LZTFL1: variants seen among roughly 807,000 people sequenced by gnomAD.
The protein encoded by LZTFL1 is leucine zipper transcription factor-like protein 1.
LZTFL1 carries 25 observed loss-of-function variants against 45.9 expected under a neutral mutation model. The observed-to-expected ratio is 0.54, with a 90% confidence interval of 0.40 to 0.76. LZTFL1 has a LOEUF of 0.76. Among genes scored for constraint, LZTFL1 ranks in the 30% least tolerant of loss-of-function variants. The pLI, the probability that LZTFL1 is intolerant of heterozygous loss-of-function variation, is 0.00. For synonymous variants in LZTFL1, 93 were observed against 117.4 expected (o/e 0.79, Z 1.35); for missense variants, 277 against 331.1 (o/e 0.84, Z 1.27).
chr3:45,875,318 A>G (rs1701732811), intron 2 of LZTFL1, among the ~76,000 whole-genome samples: 1 of 152,246 alleles, frequency 6.6e-6, no homozygotes, highest in South Asian at 2.1e-4. Flanking sequence ...GAGTAAATGA[A>G]TAAATGAATT....
At chr3:45,914,448 T>C (rs916652299) in intron 1 of LZTFL1, among the ~76,000 whole-genome samples, 1 of 152,116 alleles carries the variant, frequency 6.6e-6, no homozygotes, top group Non-Finnish European at 1.5e-5. Context: ...TATTTGAATT[T>C]TTTTTGGTAG....
intron 2 of LZTFL1, among the ~76,000 whole-genome samples, chr3:45,912,448 C>T (rs1027264735): frequency 6.6e-6 from 1 of 152,212 alleles, no homozygotes; most frequent in African/African-American, 2.4e-5. Context: ...GTGACTTGCT[C>T]TGACCAACAG....
At chr3:45,863,291 A>T (rs1044447636) in intron 2 of LZTFL1, among the ~76,000 whole-genome samples, 1 of 152,202 alleles carries the variant, frequency 6.6e-6, no homozygotes, top group Non-Finnish European at 1.5e-5. Flanking sequence ...GAAAGTCATA[A>T]TCTTGCAATT....
rs903792585 is a variant in LZTFL1, at chr3:45,900,773, T to A, written c.-215+12347A>T. On this transcript the variant is annotated intron_variant, in intron 2 of 4. Transcript: ENST00000472635. This position sits in a 1 kb window ranked among gnomAD's most constrained non-coding sequence, Gnocchi z 4.7. The stretch of plus-strand genomic sequence containing the variant: ...CCATCAGACAGGACCTTCAAAATAT[T>A]TTCCTTGACCTAATGCCATCTTGTG... 1 of 1,571,472 alleles carries A rather than the reference T, an allele frequency of 6.4e-7. No homozygotes were observed. Among genetic ancestry groups the A allele is most frequent in the Non-Finnish European group, 8.6e-7 (1 of 1,157,874 alleles).
intron 2 of LZTFL1, among the ~76,000 whole-genome samples, chr3:45,907,677 G>C (rs1702709154): frequency 6.6e-6 from 1 of 152,242 alleles, no homozygotes; most frequent in South Asian, 2.1e-4. Context: ...GTGACAGTTA[G>C]AGCCCGGTTA....
chr3:45,909,293 T>C (rs1246877586), intron 2 of LZTFL1, among the ~76,000 whole-genome samples: 1 of 152,136 alleles, frequency 6.6e-6, no homozygotes, highest in African/African-American at 2.4e-5. Flanking sequence ...ATGCTGCAGG[T>C]CCATGGAAAA....
upstream of LZTFL1, among the ~76,000 whole-genome samples, chr3:45,845,942 T>A (rs1055821161): frequency 6.6e-6 from 1 of 152,232 alleles, no homozygotes; most frequent in Admixed American, 6.5e-5. Context: ...AGCCAGCTTA[T>A]ATGAGTTTGT....
upstream of LZTFL1, among the ~76,000 whole-genome samples, chr3:45,843,439 G>A (rs1331638880): frequency 6.6e-6 from 1 of 152,200 alleles, no homozygotes; most frequent in Non-Finnish European, 1.5e-5. Flanking sequence ...GGTGCGAGAT[G>A]AAGTTCATAA....
At chr3:45,894,492 G>C (rs1702288609) in intron 2 of LZTFL1, among the ~76,000 whole-genome samples, 1 of 152,168 alleles carries the variant, frequency 6.6e-6, no homozygotes, top group Non-Finnish European at 1.5e-5. Flanking sequence ...AGAGCAGGGG[G>C]AAGGGGAACC....
upstream of LZTFL1, among the ~76,000 whole-genome samples, chr3:45,844,471 T>C (rs1701187658): frequency 6.6e-6 from 1 of 152,136 alleles, no homozygotes; most frequent in African/African-American, 2.4e-5. Context: ...AAATAGGTGA[T>C]ACACAGAAAA....
intron 5 of LZTFL1, among the ~76,000 whole-genome samples, chr3:45,831,362 T>A (rs562143501): frequency 6.6e-6 from 1 of 152,336 alleles, no homozygotes; most frequent in East Asian, 1.9e-4. Flanking sequence ...TCTTTCAGTT[T>A]CTCAGACACA....
At chr3:45,865,372 A>G (rs1701561101) in intron 2 of LZTFL1, among the ~76,000 whole-genome samples, 1 of 152,276 alleles carries the variant, frequency 6.6e-6, no homozygotes, top group Admixed American at 6.5e-5. Flanking sequence ...AACGACCTCC[A>G]AGCTTCATTG....
chr3:45,900,111 CA>C lies in LZTFL1; in HGVS notation c.-215+13008del, dbSNP rs766764762. On this transcript the variant is annotated intron_variant, in intron 2 of 4. Coordinates refer to the LZTFL1 transcript ENST00000472635. This position sits in a 1 kb window ranked among gnomAD's most constrained non-coding sequence, Gnocchi z 4.7. ...TTCATGGCTGTGCAACCCACACAGT[CA>C]CATAGGGGCCCTGTGCTTAGAAGTG... is the stretch of plus-strand genomic sequence containing the variant. Among the ~76,000 whole-genome samples, 2 of 152,138 alleles carry C rather than the reference CA, an allele frequency of 1.3e-5. No homozygotes were observed. Among genetic ancestry groups the C allele is most frequent in the African/African-American group, 2.4e-5 (1 of 41,434 alleles).
At chr3:45,890,347 T>TA (rs1702134916) in intron 2 of LZTFL1, among the ~76,000 whole-genome samples, 1 of 24,530 alleles carries the variant, frequency 4.1e-5, no homozygotes, top group Non-Finnish European at 6.4e-5. Context: ...CATATATATA[T>TA]AACATATATA....
At chr3:45,853,638 T>C (rs1263959471) in intron 4 of LZTFL1, among the ~76,000 whole-genome samples, 1 of 152,180 alleles carries the variant, frequency 6.6e-6, no homozygotes, top group Non-Finnish European at 1.5e-5. Flanking sequence ...CTACCTCTGC[T>C]AGGACCAAGC....
intron 4 of LZTFL1, among the ~76,000 whole-genome samples, chr3:45,851,718 C>T (rs1482451604): frequency 2.6e-5 from 4 of 151,818 alleles, no homozygotes; most frequent in African/African-American, 4.8e-5. Flanking sequence ...TGCGGTGGCT[C>T]ACACTTGTAA....
intron 2 of LZTFL1, among the ~76,000 whole-genome samples, chr3:45,862,621 A>G (rs533142003): frequency 1.1e-3 from 171 of 152,342 alleles, no homozygotes; most frequent in African/African-American, 3.6e-3. Context: ...TGGTTCTACA[A>G]TCTGTTTTGT....
chr3:45,904,278 G>A lies in LZTFL1; in HGVS notation c.-215+8842C>T, dbSNP rs1054223545. Among the ~76,000 whole-genome samples the A allele has an allele frequency of 2.6e-5, 4 of 152,198 alleles. No individual in the cohort carries two copies. The East Asian group carries it at 7.7e-4, about 29-fold the overall frequency. Reference sequence around the variant, plus strand: ...TCATGTGTCAGAGTTCAGCAGCTAGGAAACTTCTAGAAAATAAAGATTGCC... The same window carrying A: ...TCATGTGTCAGAGTTCAGCAGCTAGAAAACTTCTAGAAAATAAAGATTGCC... On this transcript the variant is annotated intron_variant, in intron 2 of 4. Coordinates refer to the LZTFL1 transcript ENST00000472635.
chr3:45,886,939 G>T (rs138055048), intron 2 of LZTFL1, among the ~76,000 whole-genome samples: 1 of 152,316 alleles, frequency 6.6e-6, no homozygotes, highest in East Asian at 1.9e-4. Flanking sequence ...AGAAGCAGGT[G>T]CTGGGGGACA....
Sources: gnomAD v4.1 joint callset for allele counts (sites outside exome capture counted in the v4.1 genomes callset) on GRCh38, gnomAD v4.1.1 for gene constraint, Gnocchi (gnomAD v3.1) non-coding constraint, MANE v1.5 for transcripts, NCBI Gene and HGNC (gene_info 2026-07-23, HGNC 2026-07-21) for gene names.